ATRX: variants seen among roughly 807,000 people sequenced by gnomAD.
The protein encoded by ATRX is chromatin remodeler ATRX.
Under a neutral mutation model 172.6 loss-of-function variants are expected in ATRX, and 12 were observed. That is an observed-to-expected ratio of 0.07 (90% CI 0.04 to 0.11). The LOEUF is 0.11. ATRX is among the 10% of genes least tolerant of loss of function. The pLI is 1.00. For synonymous variants in ATRX, 674 were observed against 594.7 expected (o/e 1.13, Z -1.94); for missense variants, 1,368 against 1,767.4 (o/e 0.77, Z 4.05).
intron 26 of ATRX, among the ~76,000 whole-genome samples, chrX:77,592,904 C>CA (rs2066329076): frequency 9.2e-6 from 1 of 109,182 alleles, no homozygotes. Context: ...AGAAGTGGAA[C>CA]AAAAAACAAA....
intron 1 of ATRX, among the ~76,000 whole-genome samples, chrX:77,743,416 G>A (rs988577620): frequency 1.1e-4 from 12 of 110,901 alleles, no homozygotes; most frequent in Non-Finnish European, 2.1e-4. Context: ...GGGGGCCTGA[G>A]TGCAAGCTTT....
At chrX:77,660,807 A>G (rs953747895) in intron 12 of ATRX, among the ~76,000 whole-genome samples, 43 of 110,942 alleles carry the variant, frequency 3.9e-4, no homozygotes, top group African/African-American at 1.3e-3. Context: ...TTCCATTTGT[A>G]AAACATTACA....
At chrX:77,639,404 G>A (rs931285641) in intron 15 of ATRX, among the ~76,000 whole-genome samples, 2 of 111,823 alleles carry the variant, frequency 1.8e-5, no homozygotes, top group African/African-American at 6.5e-5. Context: ...ACCAACAAGT[G>A]AGTTGGAAAA....
intron 28 of ATRX, among the ~76,000 whole-genome samples, chrX:77,569,814 C>T (rs2065342893): frequency 8.9e-6 from 1 of 112,076 alleles, no homozygotes; most frequent in South Asian, 3.7e-4. Flanking sequence ...CAATTCTCTG[C>T]TGCTAAAAGT....
chrX:77,667,293 ATATGTGTG>A (rs1255614734), intron 10 of ATRX, among the ~76,000 whole-genome samples: 5 of 60,589 alleles, frequency 8.3e-5, no homozygotes, highest in Admixed American at 2.4e-4. Context: ...GGACGAATAA[ATATGTGTG>A]TGTGTGTGTG....
intron 30 of ATRX, among the ~76,000 whole-genome samples, chrX:77,525,815 C>A (rs1557043490): frequency 8.9e-6 from 1 of 111,875 alleles, no homozygotes; most frequent in African/African-American, 3.2e-5. Flanking sequence ...ACAAAAATAC[C>A]CAATTCTTTG....
intron 30 of ATRX, among the ~76,000 whole-genome samples, chrX:77,552,644 C>T (rs1292382181): frequency 6.3e-5 from 7 of 111,301 alleles, no homozygotes; most frequent in Non-Finnish European, 1.3e-4. Context: ...TTGCATTATT[C>T]ACTAAGGATA....
At chrX:77,677,454 C>A (rs781857270) in intron 9 of ATRX, among the ~76,000 whole-genome samples, 2 of 111,562 alleles carry the variant, frequency 1.8e-5, no homozygotes, top group Non-Finnish European at 3.8e-5. Context: ...GATAATGGAA[C>A]TGGTTTGATA....
At chrX:77,631,488 T>C (rs2068105554) in intron 19 of ATRX, among the ~76,000 whole-genome samples, 2 of 110,902 alleles carry the variant, frequency 1.8e-5, no homozygotes, top group African/African-American at 6.6e-5. Flanking sequence ...TGACAAACTC[T>C]ACCCTAGCCA....
chrX:77,544,209 G>A (rs1441310875), intron 30 of ATRX, among the ~76,000 whole-genome samples: 3 of 110,829 alleles, frequency 2.7e-5, no homozygotes, highest in African/African-American at 9.8e-5. Context: ...CTAGCGGATG[G>A]GTATATGAAT....
At chrX:77,588,829 T>C (rs918999848) in intron 27 of ATRX, among the ~76,000 whole-genome samples, 1 of 111,617 alleles carries the variant, frequency 9.0e-6, no homozygotes, top group Non-Finnish European at 1.9e-5. Flanking sequence ...AAACATTTTT[T>C]CCAAAGAAGA....
At position 77,685,015 on chromosome X, in the gene ATRX, A is replaced by C; in HGVS notation, c.595-9T>G. 1 of 1,160,896 alleles carries C rather than the reference A, an allele frequency of 8.6e-7. No individual in the cohort carries two copies. Among genetic ancestry groups the C allele is most frequent in the Non-Finnish European group, 1.2e-6 (1 of 849,658 alleles). On this transcript the variant is annotated splice_polypyrimidine_tract_variant and intron_variant, in intron 7 of 34. Transcript: ENST00000373344. ...TAATACTTAAAGCAATTCTATTAAA[A>C]GAAAAGAGGAAGGGGAAATTTAATT...
At chrX:77,532,150 G>C (rs2063598340) in intron 30 of ATRX, among the ~76,000 whole-genome samples, 1 of 111,180 alleles carries the variant, frequency 9.0e-6, no homozygotes, top group Non-Finnish European at 1.9e-5. Flanking sequence ...CAAACAAATA[G>C]AGAAACATTC....
At chrX:77,655,617 G>C (rs1471405435) in intron 13 of ATRX, among the ~76,000 whole-genome samples, 1 of 109,455 alleles carries the variant, frequency 9.1e-6, no homozygotes, top group African/African-American at 3.3e-5. Context: ...AGAAATTATA[G>C]AGTGGTGTTT....
chrX:77,775,751 T>TTTATTTA (rs1557201963), intron 1 of ATRX, among the ~76,000 whole-genome samples: 4 of 68,845 alleles, frequency 5.8e-5, no homozygotes, highest in African/African-American at 1.5e-4. Flanking sequence ...TTATTTATTT[T>TTTATTTA]TGAAACGGAA....
intron 15 of ATRX, among the ~76,000 whole-genome samples, chrX:77,644,435 A>G (rs2068807153): frequency 8.9e-6 from 1 of 112,482 alleles, no homozygotes; most frequent in Non-Finnish European, 1.9e-5. Context: ...TCATATGCAG[A>G]GTTGCCAAGT....
intron 12 of ATRX, among the ~76,000 whole-genome samples, chrX:77,659,933 A>C (rs1337846018): frequency 5.4e-5 from 6 of 111,507 alleles, no homozygotes; most frequent in African/African-American, 2.0e-4. Context: ...CTATGATCAC[A>C]ATCCATATTA....
intron 1 of ATRX, among the ~76,000 whole-genome samples, chrX:77,759,583 G>A (rs1169586099): frequency 9.1e-6 from 1 of 110,320 alleles, no homozygotes; most frequent in Non-Finnish European, 1.9e-5. Flanking sequence ...GTGTGGTGGT[G>A]CACAGCTGTA....
At chrX:77,688,071 G>T (rs782694265) in intron 7 of ATRX, among the ~76,000 whole-genome samples, 6 of 110,687 alleles carry the variant, frequency 5.4e-5, no homozygotes, top group Non-Finnish European at 1.1e-4. Context: ...CCAAGTAGCT[G>T]GGATTACAGG....
Sources: allele counts gnomAD v4.1 joint callset (sites outside exome capture counted in the v4.1 genomes callset), GRCh38; gene constraint gnomAD v4.1.1; transcripts MANE v1.5; gene names NCBI Gene and HGNC (gene_info 2026-07-23, HGNC 2026-07-21).